The following CHMP4B variants were observed in gnomAD, a reference collection of about 807,000 sequenced individuals.
CHMP4B encodes charged multivesicular body protein 4B, also known as SNF7 homolog associated with Alix 1.
CHMP4B carries 1 observed loss-of-function variant against 25.1 expected under a neutral mutation model. That is an observed-to-expected ratio of 0.04 (90% CI 0.01 to 0.19). CHMP4B has a LOEUF of 0.19. Ranked by LOEUF, CHMP4B falls within the 10% of genes least tolerant of loss-of-function variation. The pLI is 1.00. For synonymous variants in CHMP4B, 101 were observed against 115.6 expected, an observed-to-expected ratio of 0.87 and a Z score of 0.81; for missense variants, 151 against 289.7, an observed-to-expected ratio of 0.52 and a Z score of 3.48.
chr20:33,832,843 A>G (rs976802415), intron 1 of CHMP4B, among the ~76,000 whole-genome samples: 9 of 150,902 alleles, frequency 6.0e-5, no homozygotes, highest in Non-Finnish European at 1.2e-4. Flanking sequence ...CATTGGCGCA[A>G]TCATAGCTCA....
At chr20:33,841,057 G>T (rs958819257) in intron 1 of CHMP4B, among the ~76,000 whole-genome samples, 3 of 152,188 alleles carry the variant, frequency 2.0e-5, no homozygotes, top group African/African-American at 7.2e-5. Context: ...CACTTTGTTT[G>T]TATTGTTTAA....
intron 1 of CHMP4B, among the ~76,000 whole-genome samples, chr20:33,827,920 G>A (rs1305246196): frequency 6.6e-6 from 1 of 152,186 alleles, no homozygotes; most frequent in Non-Finnish European, 1.5e-5. Flanking sequence ...ATTTCAATCT[G>A]CTTTTTAGGA....
Position 33,811,552 on chromosome 20 carries a change from G to T in CHMP4B, c.84G>T (p.Arg28=). ...GGPTPQEAIQ[R]LRDTEEMLSK... is the part of the protein sequence containing the mutation. Reference sequence around the variant, plus strand: ...CGACCCCCCAGGAGGCCATCCAGCGGCTGCGGGACACGGAAGAGATGTTAA... The same window carrying T: ...CGACCCCCCAGGAGGCCATCCAGCGTCTGCGGGACACGGAAGAGATGTTAA... The change falls in exon 1 of 5, where the codon CGG becomes CGT. Residue 28 remains arginine (R), a synonymous_variant. Transcript: ENST00000217402. 1 of 1,612,640 alleles carries T rather than the reference G, an allele frequency of 6.2e-7. No individual in the cohort carries two copies. The highest frequency in any genetic ancestry group is 8.5e-7 in the Non-Finnish European group (1 of 1,179,434).
At chr20:33,816,762 A>C (rs1401627753) in intron 1 of CHMP4B, among the ~76,000 whole-genome samples, 1 of 152,208 alleles carries the variant, frequency 6.6e-6, no homozygotes, top group Non-Finnish European at 1.5e-5. Context: ...ATCATAGTTT[A>C]ACAAGAGAAT....
At chr20:33,838,764 C>CAAA (rs1227209598) in intron 1 of CHMP4B, among the ~76,000 whole-genome samples, 1 of 152,110 alleles carries the variant, frequency 6.6e-6, no homozygotes, top group Non-Finnish European at 1.5e-5. Context: ...CCTGGTTTCC[C>CAAA]CCTCCTGGCT....
chr20:33,825,971 G>C (rs1009488717), intron 1 of CHMP4B, among the ~76,000 whole-genome samples: 19 of 152,144 alleles, frequency 1.2e-4, no homozygotes, highest in Admixed American at 6.5e-5. Flanking sequence ...AAGGAAAAAA[G>C]GTTGTTAAGT....
At chr20:33,822,825 C>T (rs1031049239) in intron 1 of CHMP4B, among the ~76,000 whole-genome samples, 2 of 152,138 alleles carry the variant, frequency 1.3e-5, no homozygotes, top group African/African-American at 4.8e-5. Flanking sequence ...ACAAGAGTCT[C>T]ATTCTGTCAC....
At chr20:33,813,016 A>G (rs1167911425) in intron 1 of CHMP4B, among the ~76,000 whole-genome samples, 1 of 152,134 alleles carries the variant, frequency 6.6e-6, no homozygotes, top group East Asian at 1.9e-4. Context: ...TAAGTACTAA[A>G]CACACAAAAA....
chr20:33,829,440 C>T (rs1979181398), intron 1 of CHMP4B, among the ~76,000 whole-genome samples: 1 of 152,178 alleles, frequency 6.6e-6, no homozygotes. Context: ...GAGACACTTC[C>T]CTCCCTTTCT....
At chr20:33,821,469 G>C (rs921432601) in intron 1 of CHMP4B, among the ~76,000 whole-genome samples, 1 of 151,932 alleles carries the variant, frequency 6.6e-6, no homozygotes, top group African/African-American at 2.4e-5. Context: ...CTTTACATGT[G>C]TGTAGCCCAG....
chr20:33,850,898 C>T (rs1568612192), intron 2 of CHMP4B, 54 bp from the exon 3 acceptor site: 2 of 1,316,756 alleles, frequency 1.5e-6, no homozygotes, highest in East Asian at 2.3e-5. Flanking sequence ...GCCTTGCAGG[C>T]CCCCTTTACG....
chr20:33,813,422 G>T (rs557007138), intron 1 of CHMP4B, among the ~76,000 whole-genome samples: 90 of 152,316 alleles, frequency 5.9e-4, no homozygotes, highest in African/African-American at 2.1e-3. Flanking sequence ...TCATCTGGCT[G>T]CTCTTTGGAG....
intron 1 of CHMP4B, among the ~76,000 whole-genome samples, chr20:33,823,132 GA>G (rs201356722): frequency 1.3e-5 from 2 of 151,434 alleles, no homozygotes; most frequent in Non-Finnish European, 2.9e-5. Flanking sequence ...GTATTTCAAA[GA>G]AAAATTTTTT....
intron 1 of CHMP4B, among the ~76,000 whole-genome samples, chr20:33,842,643 T>G (rs1432811822): frequency 1.3e-5 from 2 of 152,206 alleles, no homozygotes; most frequent in African/African-American, 4.8e-5. Flanking sequence ...TGTGTGTAAG[T>G]GTCCTCAGGA....
At chr20:33,822,246 C>T (rs754708915) in intron 1 of CHMP4B, among the ~76,000 whole-genome samples, 3 of 152,040 alleles carry the variant, frequency 2.0e-5, no homozygotes, top group Admixed American at 6.6e-5. Flanking sequence ...TGGGTTCAAA[C>T]GATTCTCCTG....
intron 1 of CHMP4B, among the ~76,000 whole-genome samples, chr20:33,814,967 A>G (rs1978744025): frequency 6.6e-6 from 1 of 151,838 alleles, no homozygotes; most frequent in Non-Finnish European, 1.5e-5. Context: ...TAAAGCAGAG[A>G]GTCATCATAT....
At chr20:33,839,195 G>T (rs1979467582) in intron 1 of CHMP4B, among the ~76,000 whole-genome samples, 1 of 152,154 alleles carries the variant, frequency 6.6e-6, no homozygotes, top group Non-Finnish European at 1.5e-5. Flanking sequence ...TGGAGGAAAG[G>T]CTGTCTTAGG....
chr20:33,840,107 G>A (rs1478434880), intron 1 of CHMP4B, among the ~76,000 whole-genome samples: 6 of 152,258 alleles, frequency 3.9e-5, no homozygotes, highest in African/African-American at 9.6e-5. Flanking sequence ...ATACCACTGC[G>A]TGGTGGCAGG....
intron 1 of CHMP4B, among the ~76,000 whole-genome samples, chr20:33,816,873 A>C (rs1978796598): frequency 6.6e-6 from 1 of 152,220 alleles, no homozygotes; most frequent in Non-Finnish European, 1.5e-5. Flanking sequence ...AGGTTAATTT[A>C]GGTTTAGCTG....
Sources: allele counts gnomAD v4.1 joint callset (sites outside exome capture counted in the v4.1 genomes callset), GRCh38; gene constraint gnomAD v4.1.1; transcripts MANE v1.5; gene names NCBI Gene and HGNC (gene_info 2026-07-23, HGNC 2026-07-21).